MYRIP: variants seen among roughly 807,000 people sequenced by gnomAD.
The protein encoded by MYRIP is myosin VIIA and Rab interacting protein.
A neutral mutation model predicts 98.0 loss-of-function variants in MYRIP; 49 were observed. The ratio of observed to expected loss-of-function variants is 0.50; its 90% CI spans 0.40 to 0.63. The LOEUF is 0.63. MYRIP is among the 30% of genes least tolerant of loss of function. The pLI is 0.00. For missense variants in MYRIP, 1,004 were observed against 1,058.2 expected (o/e 0.95, Z 0.71); for synonymous variants, 404 against 409.5 (o/e 0.99, Z 0.16).
At chr3:39,813,685 G>A (rs1343022790) in intron 1 of MYRIP, among the ~76,000 whole-genome samples, 2 of 152,140 alleles carry the variant, frequency 1.3e-5, no homozygotes, top group Non-Finnish European at 2.9e-5. Context: ...TGTCTTCACT[G>A]GCACCTACTC....
intron 2 of MYRIP, among the ~76,000 whole-genome samples, chr3:40,022,148 CTTGTAT>C (rs1406171751): frequency 6.6e-6 from 1 of 152,154 alleles, no homozygotes; most frequent in Non-Finnish European, 1.5e-5. Context: ...ATTGGTTGAA[CTTGTAT>C]TTGAGGAGAA....
intron 1 of MYRIP, among the ~76,000 whole-genome samples, chr3:39,815,811 A>G (rs889506274): frequency 1.3e-5 from 2 of 151,380 alleles, no homozygotes; most frequent in African/African-American, 4.8e-5. Flanking sequence ...CACCAAGAGT[A>G]TGGTGGTTAC....
At chr3:40,256,763 C>CTGATT (rs1278503089) in intron 16 of MYRIP, among the ~76,000 whole-genome samples, 3 of 151,498 alleles carry the variant, frequency 2.0e-5, no homozygotes, top group African/African-American at 7.3e-5. Flanking sequence ...AATGATTTTG[C>CTGATT]TGATTTTTTT....
At chr3:39,958,944 C>T (rs533348546) in intron 2 of MYRIP, among the ~76,000 whole-genome samples, 1 of 152,260 alleles carries the variant, frequency 6.6e-6, no homozygotes, top group East Asian at 1.9e-4. Context: ...CATCACTGGC[C>T]ATCAGAGAAA....
intron 2 of MYRIP, among the ~76,000 whole-genome samples, chr3:39,918,793 G>A (rs1009729979): frequency 1.3e-5 from 2 of 152,206 alleles, no homozygotes; most frequent in African/African-American, 4.8e-5. Flanking sequence ...AGGTTGTGGT[G>A]TCAAGATAGG....
intron 1 of MYRIP, among the ~76,000 whole-genome samples, chr3:39,810,968 G>A (rs901623623): frequency 6.6e-6 from 1 of 152,150 alleles, no homozygotes; most frequent in Non-Finnish European, 1.5e-5. Context: ...TCGATTTGTT[G>A]ATTTTCTTGA....
intron 1 of MYRIP, among the ~76,000 whole-genome samples, chr3:39,899,369 A>C (rs1279240943): frequency 6.6e-6 from 1 of 152,130 alleles, no homozygotes; most frequent in Admixed American, 6.5e-5. Flanking sequence ...TTTTTAAATC[A>C]TTCCTCCTAT....
In MYRIP at chr3:40,112,485, G is replaced by A. The variant is rs141178797; in HGVS notation, c.333-38563G>A. Among the ~76,000 whole-genome samples the A allele has an allele frequency of 2.0e-3, 300 of 152,256 alleles. 4 individuals carry two copies. The highest frequency in any genetic ancestry group is 7.0e-3 in the African/African-American group (289 of 41,528). On this transcript the variant is annotated intron_variant, in intron 3 of 16. Coordinates refer to ENST00000302541, the MANE Select transcript of MYRIP (RefSeq NM_015460.4). Reference sequence around the variant, plus strand: ...CTCTAGTAGAAGTAAGCTAGGAATGGGTTTAGCCCATCACTTCCTAAAGCT... The same window carrying A: ...CTCTAGTAGAAGTAAGCTAGGAATGAGTTTAGCCCATCACTTCCTAAAGCT...
Position 40,085,253 on chromosome 3 carries a change from A to G in MYRIP, c.332+40982A>G, listed in dbSNP as rs9799208. The stretch of plus-strand genomic sequence containing the variant: ...ATCCACAGATAATATGTGTCTATGT[A>G]TTATATATAATTCACACACACACAC... On this transcript the variant is annotated intron_variant, in intron 3 of 16. Transcript: ENST00000302541. 1.3e-3 allele frequency among the ~76,000 whole-genome samples: 192 copies of G among 151,884 alleles called. 1 individual carries two copies. The highest frequency in any genetic ancestry group is 4.5e-3 in the African/African-American group (184 of 41,306).
intron 3 of MYRIP, among the ~76,000 whole-genome samples, chr3:40,096,929 G>A (rs753722712): frequency 7.2e-5 from 11 of 152,164 alleles, no homozygotes; most frequent in South Asian, 2.1e-4. Context: ...GAAGCAAAAC[G>A]CTCCGCCCAT....
At chr3:40,254,445 G>C (rs1333771734) in intron 16 of MYRIP, among the ~76,000 whole-genome samples, 1 of 149,404 alleles carries the variant, frequency 6.7e-6, no homozygotes, top group East Asian at 2.0e-4. Context: ...TAGAAAGAGT[G>C]GGGCAGGAGA....
At chr3:39,909,326 A>G (rs960510653) in intron 2 of MYRIP, among the ~76,000 whole-genome samples, 2 of 152,246 alleles carry the variant, frequency 1.3e-5, no homozygotes, top group African/African-American at 4.8e-5. Flanking sequence ...TGGAAGGCCA[A>G]TATTAATCCA....
At chr3:40,133,010 T>A (rs1263206249) in intron 3 of MYRIP, among the ~76,000 whole-genome samples, 4 of 152,216 alleles carry the variant, frequency 2.6e-5, no homozygotes, top group Non-Finnish European at 5.9e-5. Flanking sequence ...AACAAAACTG[T>A]GATAGACTGA....
At chr3:39,879,500 C>T (rs1040551046) in intron 1 of MYRIP, among the ~76,000 whole-genome samples, 2 of 151,802 alleles carry the variant, frequency 1.3e-5, no homozygotes, top group South Asian at 4.2e-4. Flanking sequence ...ATTGAGTTTT[C>T]TTTTTTAAGG....
rs369947634 is a variant in MYRIP at position 40,162,816 on chromosome 3, G to T, written c.550+6G>T. 1.7e-5 allele frequency: 28 copies of T among 1,612,770 alleles called. No homozygotes were observed. The highest frequency in any genetic ancestry group is 6.7e-5 in the African/African-American group (5 of 74,888). On this transcript the variant is annotated splice_donor_region_variant and intron_variant, in intron 5 of 16. Transcript: ENST00000302541. ...ATTTTATAGGCAGTCAGAAGGTAAA[G>T]TTGCTTAAGAGTTTACAGCTACTGG...
chr3:40,107,740 T>C (rs1408603629), intron 3 of MYRIP, among the ~76,000 whole-genome samples: 1 of 152,120 alleles, frequency 6.6e-6, no homozygotes, highest in Non-Finnish European at 1.5e-5. Context: ...GGGGCAAGGA[T>C]CAAAGAAACA....
chr3:39,988,264 A>G (rs1353579930), intron 2 of MYRIP, among the ~76,000 whole-genome samples: 6 of 152,074 alleles, frequency 3.9e-5, no homozygotes, highest in Non-Finnish European at 7.4e-5. Flanking sequence ...TACATATGTA[A>G]CTAACCTGCA....
intron 11 of MYRIP, among the ~76,000 whole-genome samples, chr3:40,232,444 A>C (rs77167522): frequency 0.035 from 5,341 of 152,260 alleles, 303 homozygotes; most frequent in African/African-American, 0.12. Flanking sequence ...CCTAAAATAG[A>C]ATTCACTCGG....
In MYRIP at chr3:40,167,090, CCTGGCAAAGTGA is replaced by C. The variant is rs1419995051; in HGVS notation, c.649-65_649-54del. The C allele has an allele frequency of 2.3e-5, 35 of 1,517,546 alleles. No individual in the cohort carries two copies. The Admixed American group carries it at 5.7e-4, about 25-fold the overall frequency. The allele number at this position is 1,517,546 out of a possible 1,614,324, so 94.0% of individuals were successfully genotyped here. On this transcript the variant is annotated intron_variant, in intron 6 of 16. Transcript: ENST00000302541. ...CCTCTGCTTTTGTGGTCAGGACTCT[CCTGGCAAAGTGA>C]CTGCCAAGTCACCCCAAATCCACCC...
Sources: allele counts gnomAD v4.1 joint callset (sites outside exome capture counted in the v4.1 genomes callset), GRCh38; gene constraint gnomAD v4.1.1; transcripts MANE v1.5; gene names NCBI Gene and HGNC (gene_info 2026-07-23, HGNC 2026-07-21).